SLC6A2: variants seen among roughly 807,000 people sequenced by gnomAD.
SLC6A2 encodes the protein sodium-dependent noradrenaline transporter.
In SLC6A2, 26 loss-of-function variants were observed where a neutral mutation model predicts 71.7. That is an observed-to-expected ratio of 0.36 (90% CI 0.27 to 0.50). SLC6A2 has a LOEUF of 0.50. Among genes scored for constraint, SLC6A2 ranks in the 20% least tolerant of loss-of-function variants. The pLI, the probability that SLC6A2 is intolerant of heterozygous loss-of-function variation, is 0.96. For synonymous variants in SLC6A2, 363 were observed against 337.9 expected (o/e 1.07, Z -0.82); for missense variants, 581 against 803.9 (o/e 0.72, Z 3.35).
At chr16:55,664,154 C>T (rs1162576528) in intron 2 of SLC6A2, among the ~76,000 whole-genome samples, 1 of 151,932 alleles carries the variant, frequency 6.6e-6, no homozygotes, top group Non-Finnish European at 1.5e-5. Context: ...GGGGCCATCT[C>T]AGCTTCAGAA....
intron 5 of SLC6A2, among the ~76,000 whole-genome samples, chr16:55,691,230 GGAGAGAGAGAGAGAGAGAGA>G (rs56308124): frequency 0.016 from 745 of 46,466 alleles, 25 homozygotes; most frequent in African/African-American, 0.068. Flanking sequence ...GGGGAGAGGG[GGAGAGAGAGAGAGAGAGAGA>G]GAGAGAGAGA....
At chr16:55,700,418 G>T in intron 13 of SLC6A2, 112 bp downstream of exon 13, 1 of 916,480 alleles carries the variant, frequency 1.1e-6, no homozygotes. Flanking sequence ...ACAGACACTA[G>T]GGTCAAACGG....
rs143000865 is a variant in SLC6A2, at chr16:55,702,256, C to T, written c.1831-67C>T. ...CCTTCTCTCTACCTCCTGCTGCCCC[C>T]GCCAGCTGGCCCTTGCTCCTTTCTG... On this transcript the variant is annotated intron_variant, in intron 14 of 14. Transcript: ENST00000568943. 1.4e-4 allele frequency: 210 copies of T among 1,512,176 alleles called. 1 individual carries two copies. In the African/African-American group the frequency reaches 2.4e-3, roughly 17 times the overall value. The allele number at this position is 1,512,176 out of a possible 1,614,324, so 93.7% of individuals were successfully genotyped here.
intron 13 of SLC6A2, among the ~76,000 whole-genome samples, chr16:55,700,524 G>A (rs1355430967): frequency 1.3e-5 from 2 of 152,146 alleles, no homozygotes; most frequent in African/African-American, 2.4e-5. Context: ...CAAAAAAGAA[G>A]TACTTAGCAC....
intron 2 of SLC6A2, among the ~76,000 whole-genome samples, chr16:55,662,254 C>T (rs1964630054): frequency 2.0e-5 from 3 of 152,150 alleles, no homozygotes. Context: ...ACCTAACTGC[C>T]TAAGTAAGGA....
chr16:55,694,467 C>T (rs1442968019), intron 7 of SLC6A2, among the ~76,000 whole-genome samples: 1 of 152,128 alleles, frequency 6.6e-6, no homozygotes, highest in Non-Finnish European at 1.5e-5. Flanking sequence ...CTGCTGAGGG[C>T]CTGGCAGGGT....
intron 14 of SLC6A2, 104 bp from the exon 15 acceptor site, chr16:55,702,219 G>A (rs1965993602): frequency 5.6e-6 from 6 of 1,071,094 alleles, no homozygotes; most frequent in South Asian, 1.2e-5. Flanking sequence ...GAAGGAAGGG[G>A]GTGTTTTTCT....
intron 4 of SLC6A2, among the ~76,000 whole-genome samples, chr16:55,682,443 C>T (rs753340908): frequency 5.9e-5 from 9 of 152,084 alleles, no homozygotes; most frequent in Non-Finnish European, 1.3e-4. Context: ...TGGGGTGATC[C>T]TGGGATCTCA....
intron 4 of SLC6A2, among the ~76,000 whole-genome samples, chr16:55,680,766 G>T (rs1451539556): frequency 6.6e-6 from 1 of 152,156 alleles, no homozygotes; most frequent in Non-Finnish European, 1.5e-5. Context: ...GTGGACAGTG[G>T]GGGTGGGGGT....
chr16:55,692,315 G>C (rs750849976), intron 6 of SLC6A2, among the ~76,000 whole-genome samples: 19 of 152,302 alleles, frequency 1.2e-4, no homozygotes, highest in Non-Finnish European at 2.5e-4. Flanking sequence ...TTTTTGAGGA[G>C]AGAAATTCCC....
At chr16:55,693,215 C>T (rs549696058) in intron 6 of SLC6A2, among the ~76,000 whole-genome samples, 13 of 152,232 alleles carry the variant, frequency 8.5e-5, no homozygotes, top group African/African-American at 2.2e-4. Flanking sequence ...GGGGAAACCC[C>T]GTCTCTACTA....
At chr16:55,660,498 C>T (rs984800576) in intron 2 of SLC6A2, among the ~76,000 whole-genome samples, 25 of 152,198 alleles carry the variant, frequency 1.6e-4, no homozygotes, top group African/African-American at 6.0e-4. Flanking sequence ...CCTGGCTTCT[C>T]TGTCTTTTTG....
rs777970225 is a variant in SLC6A2, at chr16:55,656,778, C to G, written c.84C>G (p.Arg28=). 1.9e-6 allele frequency: 3 copies of G among 1,613,240 alleles called. No homozygotes were observed. The highest frequency in any genetic ancestry group is 3.3e-5 in the Admixed American group (2 of 59,992). Residue 28 remains arginine, a synonymous_variant, in exon 2 of 15, where the codon CGC becomes CGG. Transcript: ENST00000568943. The surrounding 1 kb of genome is among the most constrained non-coding windows in gnomAD (Gnocchi z 4.5). ...DTGPEQPLRA[R]KTAELLVVKE... ...GTCCAGAGCAGCCCCTTCGGGCGCGCAAAACTGCGGAGCTGCTGGTGGTGA... is the reference window on the plus strand; with the variant it reads ...GTCCAGAGCAGCCCCTTCGGGCGCGGAAAACTGCGGAGCTGCTGGTGGTGA...
chr16:55,670,627 T>C (rs1964879704), intron 3 of SLC6A2, among the ~76,000 whole-genome samples: 2 of 152,206 alleles, frequency 1.3e-5, no homozygotes, highest in African/African-American at 2.4e-5. Flanking sequence ...CTCAAGTACC[T>C]GCAAAGATGG....
intron 2 of SLC6A2, among the ~76,000 whole-genome samples, chr16:55,667,828 C>T (rs1380963714): frequency 6.6e-6 from 1 of 152,190 alleles, no homozygotes; most frequent in African/African-American, 2.4e-5. Context: ...GTTCCAGAAT[C>T]TGTGGGGCAT....
chr16:55,696,706 G>T (rs1157194339), intron 9 of SLC6A2, among the ~76,000 whole-genome samples: 3 of 152,204 alleles, frequency 2.0e-5, no homozygotes, highest in Non-Finnish European at 2.9e-5. Context: ...AATAGGCCAG[G>T]CATGGTGGCT....
In SLC6A2 at chr16:55,701,905, G is replaced by A. The variant is rs201793493; in HGVS notation, c.1801G>A (p.Val601Met). ...CACGCCAGAGAACGAGCACCACCTGGTGGCTCAGAGGGACATCAGACAGTT... is the reference window on the plus strand; with the variant it reads ...CACGCCAGAGAACGAGCACCACCTGATGGCTCAGAGGGACATCAGACAGTT... ...GITPENEHHL[V>M]AQRDIRQFQL... Residue 601 changes from valine to methionine, a missense_variant, in exon 14 of 15, where the codon GTG becomes ATG. Physicochemically the swap from Val to Met is conservative, Grantham distance 21 (BLOSUM62 1). Coordinates refer to ENST00000568943, the MANE Select transcript of SLC6A2 (RefSeq NM_001172501.3). 1 of 1,614,066 alleles carries A rather than the reference G, an allele frequency of 6.2e-7. No homozygotes were observed.
chr16:55,694,210 TG>T (rs1176250105), intron 7 of SLC6A2, 97 bp downstream of exon 7: 32 of 878,840 alleles, frequency 3.6e-5, no homozygotes, highest in African/African-American at 3.6e-4. Context: ...CAACTCTCCC[TG>T]GGCAAGCCAA....
At position 55,705,092 on chromosome 16, in the gene SLC6A2, A is replaced by AT. The variant is rs1966074543; in HGVS notation, c.*2752dup. 2 of 819,758 alleles carry AT rather than the reference A, an allele frequency of 2.4e-6. No individual in the cohort carries two copies. The highest frequency in any genetic ancestry group is 2.1e-5 in the Admixed American group (1 of 48,176). The allele number at this position is 819,758 out of a possible 1,614,324, so 50.8% of individuals were successfully genotyped here. Reference sequence around the variant, plus strand: ...GTATATGACACTTGACGCTTTTGATATTTTTTCAGGTTTTTAAAGAATTAT... The same window carrying AT: ...GTATATGACACTTGACGCTTTTGATATTTTTTTCAGGTTTTTAAAGAATTAT... On this transcript the variant is annotated 3_prime_UTR_variant, in exon 15 of 15. Coordinates refer to ENST00000568943, the MANE Select transcript of SLC6A2 (RefSeq NM_001172501.3).
Sources: gnomAD v4.1 joint callset for allele counts (sites outside exome capture counted in the v4.1 genomes callset) on GRCh38, gnomAD v4.1.1 for gene constraint, Gnocchi (gnomAD v3.1) non-coding constraint, MANE v1.5 for transcripts, NCBI Gene and HGNC (gene_info 2026-07-23, HGNC 2026-07-21) for gene names.